Variants in KLHL5 observed in about 807,000 individuals in gnomAD.
The protein encoded by KLHL5 is kelch-like protein 5.
KLHL5 carries 48 observed loss-of-function variants against 77.7 expected under a neutral mutation model. The ratio of observed to expected loss-of-function variants is 0.62; its 90% CI spans 0.49 to 0.79. The LOEUF (loss-of-function observed/expected upper bound fraction) is 0.79. KLHL5 is among the 30% of genes least tolerant of loss of function. The probability of loss-of-function intolerance (pLI) is 0.00; values close to 1 mark genes in which losing one functional copy is unlikely to be tolerated. For missense variants in KLHL5, 723 were observed against 859.7 expected, an observed-to-expected ratio of 0.84 and a Z score of 1.99; for synonymous variants, 260 against 297.0, an observed-to-expected ratio of 0.88 and a Z score of 1.28.
chr4:39,096,715 T>C lies in KLHL5; in HGVS notation c.1137T>C (p.Asn379=). 1 of 1,612,474 alleles carries C rather than the reference T, an allele frequency of 6.2e-7. No homozygotes were observed. The highest frequency in any genetic ancestry group is 8.5e-7 in the Non-Finnish European group (1 of 1,178,594). ...APQFLADMEN[N]VLFRDDIECQ... The stretch of plus-strand genomic sequence containing the variant: ...AGTTCCTGGCAGACATGGAAAATAA[T>C]GTACTTTTTCGGGATGATATAGAAT... The change falls in exon 6 of 11, where the codon AAT becomes AAC. Residue 379 remains asparagine (N), a synonymous_variant. Transcript: ENST00000504108.
At position 39,073,552 on chromosome 4, in the gene KLHL5, G is replaced by C. The variant is rs529791265; in HGVS notation, c.384-2413G>C. 2.2e-3 allele frequency among the ~76,000 whole-genome samples: 289 copies of C among 132,696 alleles called. 5 individuals are homozygous for C. Among genetic ancestry groups the C allele is most frequent in the Admixed American group, 0.021 (275 of 13,156 alleles). 87.1% of individuals were successfully genotyped at this position (132,696 alleles called of 152,430 possible). A position where few individuals can be genotyped will look rare whatever the true frequency, so the allele number is the denominator to read the frequency against. On this transcript the variant is annotated intron_variant, in intron 1 of 10. Transcript: ENST00000504108. ...TTAGATATTATAATTTTTCCCCTCA[G>C]GTCACTAATGCTCTTATAATCATTT...
At chr4:39,071,023 T>C (rs1718426165) in intron 1 of KLHL5, among the ~76,000 whole-genome samples, 1 of 152,166 alleles carries the variant, frequency 6.6e-6, no homozygotes, top group African/African-American at 2.4e-5. Flanking sequence ...TAAAAATATA[T>C]ATAAAAGCTT....
At position 39,126,079 on chromosome 4, in the gene KLHL5, A is replaced by G. The variant is rs1723524688; in HGVS notation, c.*5013A>G. On this transcript the variant is annotated 3_prime_UTR_variant, in exon 11 of 11. Transcript: ENST00000504108. ...AACCATGAGGGGAGAGTTAACGGGG[A>G]ACTTCCCCACCGTCCGGTACATGGC... is the stretch of plus-strand genomic sequence containing the variant. 6.6e-6 allele frequency among the ~76,000 whole-genome samples: 1 copy of G among 152,176 alleles called. No individual in the cohort carries two copies. The highest frequency in any genetic ancestry group is 1.5e-5 in the Non-Finnish European group (1 of 68,036).
Position 39,103,279 on chromosome 4 carries a change from C to CTATATA in KLHL5, c.1301-5_1301-4insATATAT. 1 of 1,595,400 alleles carries CTATATA rather than the reference C, an allele frequency of 6.3e-7. No homozygotes were observed. ...CTATTTACATAACTTCTATATATTA[C>CTATATA]TATGAAGGAGCAACAAGCATTGAAA... On this transcript the variant is annotated splice_region_variant and splice_polypyrimidine_tract_variant and intron_variant, in intron 6 of 10. Transcript: ENST00000504108.
At chr4:39,060,441 T>TACCACC (rs71192817), upstream of KLHL5, among the ~76,000 whole-genome samples, 4,369 of 148,932 alleles carry the variant, frequency 0.029, 192 homozygotes, top group African/African-American at 0.098. Context: ...ACTAAAAATC[T>TACCACC]ACCACCACCA....
At position 39,113,203 on chromosome 4, in the gene KLHL5, G is replaced by A. The variant is rs534622300; in HGVS notation, c.1872G>A (p.Leu624=). 2 of 1,614,010 alleles carry A rather than the reference G, an allele frequency of 1.2e-6. No homozygotes were observed. Among genetic ancestry groups the A allele is most frequent in the African/African-American group, 1.3e-5 (1 of 75,046 alleles). ...IGGHDAPASN[L]TSRLSDCVER... ...GGCACGATGCTCCCGCATCCAACTTGACTTCCAGACTCTCAGACTGTGTGG... is the reference window on the plus strand; with the variant it reads ...GGCACGATGCTCCCGCATCCAACTTAACTTCCAGACTCTCAGACTGTGTGG... Residue 624 remains leucine, a synonymous_variant, in exon 9 of 11, where the codon TTG becomes TTA. Coordinates refer to ENST00000504108, the MANE Select transcript of KLHL5 (RefSeq NM_015990.5).
chr4:39,076,426 C>T (rs2109352657), intron 2 of KLHL5, among the ~76,000 whole-genome samples: 1 of 152,098 alleles, frequency 6.6e-6, no homozygotes, highest in Non-Finnish European at 1.5e-5. Flanking sequence ...GCTTTTATGC[C>T]ATATTCTACC....
At chr4:39,112,028 C>G (rs1297280190) in intron 8 of KLHL5, among the ~76,000 whole-genome samples, 2 of 151,978 alleles carry the variant, frequency 1.3e-5, no homozygotes, top group Admixed American at 1.3e-4. Flanking sequence ...AATGTATAAT[C>G]TTTTCTATGA....
chr4:39,076,742 GGT>G (rs772195393), intron 2 of KLHL5, among the ~76,000 whole-genome samples: 8 of 147,732 alleles, frequency 5.4e-5, no homozygotes, highest in Admixed American at 1.3e-4. Context: ...GATTCTCAAA[GGT>G]TTTTTTTTTT....
chr4:39,137,558 T>G, the KLHL5 span, among the ~76,000 whole-genome samples: 1 of 152,170 alleles, frequency 6.6e-6, no homozygotes, highest in African/African-American at 2.4e-5. Context: ...AGGTCGAGGC[T>G]GCAGTGAACC....
chr4:39,077,461 C>CA (rs112918932), intron 2 of KLHL5, among the ~76,000 whole-genome samples: 4,187 of 143,346 alleles, frequency 0.029, 158 homozygotes, highest in African/African-American at 0.1. Flanking sequence ...GACTCCGTCT[C>CA]AAAAAAAAAA....
In KLHL5 at chr4:39,121,085, A is replaced by G. The variant is rs745876576; in HGVS notation, c.*19A>G. On this transcript the variant is annotated 3_prime_UTR_variant, in exon 11 of 11. Transcript: ENST00000504108. Reference sequence around the variant, plus strand: ...ATTATAATTTAGTGCCCCGTTTTCTACATGAAGACACCGTCTTCCTTTATT... The same window carrying G: ...ATTATAATTTAGTGCCCCGTTTTCTGCATGAAGACACCGTCTTCCTTTATT... The G allele has an allele frequency of 6.5e-7, 1 of 1,532,356 alleles. No homozygotes were observed. The highest frequency in any genetic ancestry group is 2.2e-5 in the East Asian group (1 of 44,602). The allele number at this position is 1,532,356 out of a possible 1,614,324, so 94.9% of individuals were successfully genotyped here. A position where few individuals can be genotyped will look rare whatever the true frequency, so the allele number is the denominator to read the frequency against.
At chr4:39,141,485 GTATTT>G in the KLHL5 span, among the ~76,000 whole-genome samples, 1 of 151,906 alleles carries the variant, frequency 6.6e-6, no homozygotes, top group African/African-American at 2.4e-5. Flanking sequence ...ATAATTTTTT[GTATTT>G]TTAGTAGAGA....
chr4:39,054,688 T>C (rs1716892506), intron 1 of KLHL5, among the ~76,000 whole-genome samples: 5 of 152,178 alleles, frequency 3.3e-5, no homozygotes, highest in Admixed American at 3.3e-4. Flanking sequence ...TAGGCTACCA[T>C]TAATAAGTGA....
intron 5 of KLHL5, among the ~76,000 whole-genome samples, chr4:39,091,458 A>G (rs1198551614): frequency 2.5e-5 from 2 of 78,726 alleles, no homozygotes; most frequent in Non-Finnish European, 5.2e-5. Flanking sequence ...ATTTTAAACC[A>G]TGTGAATAGA....
intron 5 of KLHL5, among the ~76,000 whole-genome samples, chr4:39,090,360 T>G (rs1330352670): frequency 6.6e-6 from 1 of 152,076 alleles, no homozygotes; most frequent in Admixed American, 6.6e-5. Flanking sequence ...AGTAATTTTA[T>G]CATCGTGTCT....
intron 6 of KLHL5, among the ~76,000 whole-genome samples, chr4:39,100,020 A>G (rs1300389085): frequency 1.3e-5 from 2 of 152,120 alleles, no homozygotes; most frequent in Non-Finnish European, 1.5e-5. Flanking sequence ...TTATCTCTAT[A>G]TTTATGTATA....
In KLHL5 at chr4:39,093,630, G is replaced by A. The variant is rs185107578; in HGVS notation, c.1114-3062G>A. 4.6e-3 allele frequency among the ~76,000 whole-genome samples: 703 copies of A among 151,612 alleles called. 7 individuals carry two copies. The highest frequency in any genetic ancestry group is 0.016 in the African/African-American group (670 of 40,904). On this transcript the variant is annotated intron_variant, in intron 5 of 10. Coordinates refer to ENST00000504108, the MANE Select transcript of KLHL5 (RefSeq NM_015990.5). ...ATTAAGAAATCTATGAAGGGGCAAG[G>A]CATGGTGGCTCATGCCTGTGATCCC...
chr4:39,066,420 A>G (rs553329269), intron 1 of KLHL5, among the ~76,000 whole-genome samples: 1 of 152,322 alleles, frequency 6.6e-6, no homozygotes, highest in African/African-American at 2.4e-5. Context: ...AATTTCATTT[A>G]TAAAGTTAGA....
Sources: gnomAD v4.1 joint callset for allele counts (sites outside exome capture counted in the v4.1 genomes callset) on GRCh38, gnomAD v4.1.1 for gene constraint, MANE v1.5 for transcripts, NCBI Gene and HGNC (gene_info 2026-07-23, HGNC 2026-07-21) for gene names.